The following DLG2 variants were observed in gnomAD, a reference collection of about 807,000 sequenced individuals.
DLG2 encodes disks large homolog 2.
In DLG2, 45 loss-of-function variants were observed where a neutral mutation model predicts 132.5. The observed-to-expected ratio is 0.34, with a 90% CI of 0.27 to 0.44. The LOEUF (loss-of-function observed/expected upper bound fraction) is 0.44. Among genes scored for constraint, DLG2 ranks in the 20% least tolerant of loss-of-function variants. DLG2 has a pLI of 1.00. For missense variants in DLG2, 1,045 were observed against 1,196.9 expected (o/e 0.87, Z 1.87); for synonymous variants, 424 against 419.6 (o/e 1.01, Z -0.13).
chr11:84,169,140 T>C (rs2095751918), intron 8 of DLG2, among the ~76,000 whole-genome samples: 1 of 152,220 alleles, frequency 6.6e-6, no homozygotes, highest in Admixed American at 6.6e-5. Flanking sequence ...AAAATAGTTC[T>C]TCCTCGTATG....
chr11:84,229,775 A>C (rs1282157248), intron 8 of DLG2, among the ~76,000 whole-genome samples: 2 of 152,154 alleles, frequency 1.3e-5, no homozygotes, highest in African/African-American at 4.8e-5. Flanking sequence ...TTCTTGTATC[A>C]TTTTTTAAAT....
chr11:85,431,660 T>G (rs943654536), intron 3 of DLG2, among the ~76,000 whole-genome samples: 1 of 152,214 alleles, frequency 6.6e-6, no homozygotes, highest in African/African-American at 2.4e-5. Context: ...GACCAAACTC[T>G]GATTTCCCAG....
chr11:85,417,405 C>A (rs534572039), intron 3 of DLG2, among the ~76,000 whole-genome samples: 1 of 152,166 alleles, frequency 6.6e-6, no homozygotes, highest in South Asian at 2.1e-4. Flanking sequence ...CTGAAATATT[C>A]TTTTTATGGT....
chr11:84,367,919 C>T (rs1004528836), intron 7 of DLG2, among the ~76,000 whole-genome samples: 1 of 152,156 alleles, frequency 6.6e-6, no homozygotes, highest in African/African-American at 2.4e-5. Flanking sequence ...TTTATCACCA[C>T]TCTAGAAAGC....
intron 6 of DLG2, among the ~76,000 whole-genome samples, chr11:84,657,004 G>A (rs763941527): frequency 3.3e-5 from 5 of 152,016 alleles, no homozygotes; most frequent in Non-Finnish European, 7.4e-5. Flanking sequence ...CCTTAACAAC[G>A]ATTCTTTAAG....
chr11:83,856,877 C>T (rs1284983458), intron 16 of DLG2, among the ~76,000 whole-genome samples: 1 of 152,070 alleles, frequency 6.6e-6, no homozygotes, highest in Non-Finnish European at 1.5e-5. Context: ...GCTTTTGGCA[C>T]CTTCATCATG....
intron 22 of DLG2, among the ~76,000 whole-genome samples, chr11:83,474,632 C>G (rs902452369): frequency 2.6e-5 from 4 of 152,188 alleles, no homozygotes; most frequent in Non-Finnish European, 5.9e-5. Context: ...TTATTCATCA[C>G]CATGTCTCCA....
chr11:85,496,123 G>C (rs531609868), intron 3 of DLG2, among the ~76,000 whole-genome samples: 1 of 152,316 alleles, frequency 6.6e-6, no homozygotes, highest in South Asian at 2.1e-4. Flanking sequence ...AGTGCAACTG[G>C]TTGGGGGATT....
At chr11:83,831,532 C>CAGAGAGAG (rs140071758) in intron 17 of DLG2, among the ~76,000 whole-genome samples, 2 of 146,706 alleles carry the variant, frequency 1.4e-5, no homozygotes, top group Non-Finnish European at 3.0e-5. Flanking sequence ...GTGTGTATGT[C>CAGAGAGAG]AGAGAGAGAG....
Position 84,402,881 on chromosome 11 carries a change from C to CAAAAAAAAAAAAAAAAAAAAAAA in DLG2, c.519+131688_519+131689insTTTTTTTTTTTTTTTTTTTTTTT, listed in dbSNP as rs34476380. Among the ~76,000 whole-genome samples the CAAAAAAAAAAAAAAAAAAAAAAA allele has an allele frequency of 9.6e-4, 71 of 73,864 alleles. 2 individuals carry two copies. The highest frequency in any genetic ancestry group is 2.6e-3 in the African/African-American group (25 of 9,546). 48.5% of individuals were successfully genotyped at this position (73,864 alleles called of 152,430 possible). A position where few individuals can be genotyped will look rare whatever the true frequency, so the allele number is the denominator to read the frequency against. ...TGGGCGACAGAGCGAAACTCCGTCT[C>CAAAAAAAAAAAAAAAAAAAAAAA]AAAAAAAAAAAAAAAAAAAATTAAC... is the stretch of plus-strand genomic sequence containing the variant. On this transcript the variant is annotated intron_variant, in intron 7 of 27. Coordinates refer to ENST00000376104, the MANE Select transcript of DLG2 (RefSeq NM_001142699.3).
At chr11:84,085,770 C>T (rs1274194774) in intron 10 of DLG2, among the ~76,000 whole-genome samples, 1 of 152,184 alleles carries the variant, frequency 6.6e-6, no homozygotes, top group African/African-American at 2.4e-5. Flanking sequence ...TATTTAGAAT[C>T]CCATAAAGCC....
intron 15 of DLG2, among the ~76,000 whole-genome samples, chr11:83,926,263 C>T (rs950434779): frequency 6.6e-6 from 1 of 152,130 alleles, no homozygotes; most frequent in Non-Finnish European, 1.5e-5. Context: ...GCTGACTAAC[C>T]TTTATTCTTC....
chr11:85,331,576 C>T (rs147459214), intron 3 of DLG2, among the ~76,000 whole-genome samples: 23 of 152,202 alleles, frequency 1.5e-4, no homozygotes, highest in African/African-American at 4.8e-4. Flanking sequence ...AGGTAGTAAG[C>T]ATAGTGCCTG....
At chr11:83,879,478 C>T (rs2065600935) in intron 15 of DLG2, among the ~76,000 whole-genome samples, 1 of 152,100 alleles carries the variant, frequency 6.6e-6, no homozygotes, top group South Asian at 2.1e-4. Context: ...TTTATTTAAT[C>T]TACCTTAATA....
At chr11:83,943,795 G>T (rs983557241) in intron 14 of DLG2, among the ~76,000 whole-genome samples, 2 of 152,334 alleles carry the variant, frequency 1.3e-5, no homozygotes, top group South Asian at 4.1e-4. Flanking sequence ...CTATGAACAT[G>T]GTGGAAAGAG....
chr11:84,329,121 T>C (rs916788156), intron 7 of DLG2, among the ~76,000 whole-genome samples: 7 of 152,218 alleles, frequency 4.6e-5, no homozygotes, highest in African/African-American at 1.7e-4. Flanking sequence ...TATAATTACA[T>C]GTGGGCACAA....
intron 24 of DLG2, among the ~76,000 whole-genome samples, chr11:83,471,047 A>C (rs1052804261): frequency 1.2e-4 from 19 of 152,088 alleles, no homozygotes; most frequent in African/African-American, 4.6e-4. Context: ...CTACAATCAG[A>C]GGGACCAGAA....
intron 7 of DLG2, among the ~76,000 whole-genome samples, chr11:84,483,650 C>G (rs1182033717): frequency 6.6e-6 from 1 of 152,000 alleles, no homozygotes; most frequent in African/African-American, 2.4e-5. Flanking sequence ...ATCCAAAAAC[C>G]TTTTTAAATC....
At chr11:84,934,546 T>TTTTTTTTTG (rs1183459468) in intron 6 of DLG2, among the ~76,000 whole-genome samples, 37 of 128,716 alleles carry the variant, frequency 2.9e-4, no homozygotes, top group Non-Finnish European at 3.9e-4. Context: ...TTTTTTTTTT[T>TTTTTTTTTG]GGTGGGTAGG....
Sources: allele counts gnomAD v4.1 joint callset (sites outside exome capture counted in the v4.1 genomes callset), GRCh38; gene constraint gnomAD v4.1.1; transcripts MANE v1.5; gene names NCBI Gene and HGNC (gene_info 2026-07-23, HGNC 2026-07-21).